Variants in COL24A1 observed in about 807,000 individuals in gnomAD.
COL24A1 encodes the protein collagen alpha-1(XXIV) chain.
Under a neutral mutation model 253.9 loss-of-function variants are expected in COL24A1, and 224 were observed. The ratio of observed to expected loss-of-function variants is 0.88; its 90% confidence interval spans 0.79 to 0.99. COL24A1 has a LOEUF of 0.99. Among genes scored for constraint, COL24A1 ranks in the 50% least tolerant of loss-of-function variants. The pLI is 0.00. For synonymous variants in COL24A1, 685 were observed against 673.7 expected (o/e 1.02, Z -0.26); for missense variants, 2,131 against 2,068.5 (o/e 1.03, Z -0.59).
At chr1:85,942,172 C>T (rs967992421) in intron 24 of COL24A1, among the ~76,000 whole-genome samples, 3 of 152,166 alleles carry the variant, frequency 2.0e-5, no homozygotes, top group African/African-American at 7.2e-5. Context: ...TCTCTGCCAG[C>T]TAGTTAGACT....
chr1:86,026,646 C>T (rs1426131428), intron 14 of COL24A1, among the ~76,000 whole-genome samples: 8 of 152,136 alleles, frequency 5.3e-5, no homozygotes, highest in African/African-American at 7.2e-5. Flanking sequence ...TACCCAGTCT[C>T]GGATATTTCT....
At chr1:86,083,623 A>C (rs2101921173) in intron 7 of COL24A1, among the ~76,000 whole-genome samples, 1 of 152,212 alleles carries the variant, frequency 6.6e-6, no homozygotes, top group East Asian at 1.9e-4. Context: ...AGGCAACATC[A>C]CTGAGTGATG....
At chr1:86,081,584 C>T (rs1702646307) in intron 7 of COL24A1, among the ~76,000 whole-genome samples, 1 of 152,054 alleles carries the variant, frequency 6.6e-6, no homozygotes, top group Admixed American at 6.6e-5. Context: ...TTTATCACTG[C>T]AAAACAAGGA....
intron 28 of COL24A1, among the ~76,000 whole-genome samples, chr1:85,899,012 G>A (rs1255285854): frequency 2.0e-5 from 3 of 152,112 alleles, no homozygotes; most frequent in Non-Finnish European, 4.4e-5. Flanking sequence ...TTCAATAATT[G>A]AGTAGCCGAA....
intron 2 of COL24A1, 70 bp downstream of exon 2, chr1:86,146,049 G>T: frequency 8.1e-7 from 1 of 1,239,844 alleles, no homozygotes; most frequent in Non-Finnish European, 1.2e-6. Flanking sequence ...TGAGTTGAAA[G>T]TTATGTACTT....
At chr1:85,797,179 G>C (rs1328563827) in intron 47 of COL24A1, among the ~76,000 whole-genome samples, 1 of 135,804 alleles carries the variant, frequency 7.4e-6, no homozygotes, top group Admixed American at 8.4e-5. Context: ...CTGCACTCCG[G>C]CCTGGGCGAC....
chr1:85,968,183 C>T (rs686272), intron 22 of COL24A1, among the ~76,000 whole-genome samples: 43,880 of 151,810 alleles, frequency 0.29, 6,452 homozygotes, highest in African/African-American at 0.35. Flanking sequence ...AACTTGTGAT[C>T]GTGTAAGTTA....
chr1:86,063,796 A>G, intron 7 of COL24A1, 37 bp from the exon 8 acceptor site: 1 of 1,460,764 alleles, frequency 6.8e-7, no homozygotes, highest in Non-Finnish European at 9.1e-7. Flanking sequence ...TATGAAAAGT[A>G]AACTCATATA....
intron 32 of COL24A1, among the ~76,000 whole-genome samples, chr1:85,884,099 CA>C (rs1296347861): frequency 1.3e-5 from 2 of 152,184 alleles, no homozygotes; most frequent in Non-Finnish European, 2.9e-5. Flanking sequence ...CTGCTAGTGA[CA>C]AATTCTTTAA....
At position 86,151,008 on chromosome 1, in the gene COL24A1, AAGC is replaced by A. The variant is rs537122958; in HGVS notation, c.57-4828_57-4826del. ...TAGTATACTGGCATTAAAAGACAAAAAGCAAATTACTTAGCAAAATGTTATATA... is the reference window on the plus strand; with the variant it reads ...TAGTATACTGGCATTAAAAGACAAAAAAATTACTTAGCAAAATGTTATATA... On this transcript the variant is annotated intron_variant, in intron 1 of 59. Coordinates refer to ENST00000370571, the MANE Select transcript of COL24A1 (RefSeq NM_152890.7). Among the ~76,000 whole-genome samples, 34 of 152,186 alleles carry A rather than the reference AAGC, an allele frequency of 2.2e-4. No homozygotes were observed. In the East Asian group the frequency reaches 5.0e-3, roughly 22 times the overall value.
intron 37 of COL24A1, among the ~76,000 whole-genome samples, chr1:85,858,473 C>T (rs78873581): frequency 0.024 from 3,584 of 152,162 alleles, 127 homozygotes; most frequent in African/African-American, 0.079. Flanking sequence ...ATCTCTTTTC[C>T]TCAGATAATC....
intron 19 of COL24A1, among the ~76,000 whole-genome samples, chr1:85,994,102 C>G (rs1194177690): frequency 5.3e-5 from 8 of 151,724 alleles, no homozygotes; most frequent in Admixed American, 5.3e-4. Context: ...TACAAGAACA[C>G]AGCATAGTTT....
chr1:85,784,123 G>T lies in COL24A1; in HGVS notation c.4211C>A (p.Pro1404Gln). The T allele has an allele frequency of 6.2e-7, 1 of 1,612,636 alleles. No individual in the cohort carries two copies. Among genetic ancestry groups the T allele is most frequent in the Non-Finnish European group, 8.5e-7 (1 of 1,178,914 alleles). The change falls in exon 50 of 60, where the codon CCA becomes CAA. Residue 1404 changes from proline to glutamine, a missense_variant. Pro to Gln is a moderately conservative substitution (Grantham distance 76, BLOSUM62 -1). Coordinates refer to ENST00000370571, the MANE Select transcript of COL24A1 (RefSeq NM_152890.7). Reference sequence around the variant, plus strand: ...AGTATGTAAACATACTTTAGGGCCTGGGAATCCTTGGAAACCTGTCAAACC... The same window carrying T: ...AGTATGTAAACATACTTTAGGGCCTTGGAATCCTTGGAAACCTGTCAAACC... ...VQGLTGFQGF[P>Q]GPKGPEGDAG...
intron 20 of COL24A1, among the ~76,000 whole-genome samples, chr1:85,984,012 T>C (rs1389029436): frequency 6.6e-6 from 1 of 151,824 alleles, no homozygotes; most frequent in Non-Finnish European, 1.5e-5. Flanking sequence ...CAGTGGGTAG[T>C]AAGTACTAAC....
chr1:85,997,677 G>A (rs556249473), intron 19 of COL24A1, among the ~76,000 whole-genome samples: 4 of 151,812 alleles, frequency 2.6e-5, no homozygotes, highest in Admixed American at 2.6e-4. Context: ...CAACTACTCA[G>A]AGGCTGAGGC....
At chr1:85,814,524 T>C (rs1672874295) in intron 47 of COL24A1, among the ~76,000 whole-genome samples, 1 of 152,222 alleles carries the variant, frequency 6.6e-6, no homozygotes, top group South Asian at 2.1e-4. Context: ...CAGTGCCACA[T>C]TGCAATTTTC....
At chr1:86,063,632 TG>T in intron 8 of COL24A1, 82 bp downstream of exon 8, 1 of 1,000,670 alleles carries the variant, frequency 1.0e-6, no homozygotes. Flanking sequence ...ATTGAAAAAA[TG>T]GGGGAAAATA....
chr1:86,019,153 T>C (rs1352030965), intron 18 of COL24A1, among the ~76,000 whole-genome samples: 2 of 152,186 alleles, frequency 1.3e-5, no homozygotes, highest in African/African-American at 4.8e-5. Flanking sequence ...ATGTGGGAGT[T>C]TGTTTCTTAA....
chr1:86,138,848 CT>C (rs140109854), intron 2 of COL24A1, among the ~76,000 whole-genome samples: 32 of 148,678 alleles, frequency 2.2e-4, no homozygotes, highest in Middle Eastern at 3.5e-3. Context: ...AGCTTATCTG[CT>C]TTTTTTTTTA....
Sources: gnomAD v4.1 joint callset for allele counts (sites outside exome capture counted in the v4.1 genomes callset) on GRCh38, gnomAD v4.1.1 for gene constraint, MANE v1.5 for transcripts, NCBI Gene and HGNC (gene_info 2026-07-23, HGNC 2026-07-21) for gene names.